The following LCLAT1 variants were observed in gnomAD, a reference collection of about 807,000 sequenced individuals.
LCLAT1 encodes the protein lysocardiolipin acyltransferase 1, also known as 1-AGP acyltransferase 8.
In LCLAT1, 11 loss-of-function variants were observed where a neutral mutation model predicts 30.7. The ratio of observed to expected loss-of-function variants is 0.36; its 90% CI spans 0.23 to 0.59. The LOEUF is 0.59. Ranked by LOEUF, LCLAT1 falls within the 20% of genes least tolerant of loss-of-function variation. LCLAT1 has a pLI of 0.77. For synonymous variants in LCLAT1, 155 were observed against 151.3 expected (o/e 1.02, Z -0.18); for missense variants, 402 against 458.6 (o/e 0.88, Z 1.13).
intron 3 of LCLAT1, among the ~76,000 whole-genome samples, chr2:30,560,283 GGTGTGTGTGTGTGTGTGT>G (rs57326977): frequency 4.8e-5 from 7 of 144,584 alleles, no homozygotes; most frequent in African/African-American, 1.5e-4. Flanking sequence ...AATAAAGTGT[GGTGTGTGTGTGTGTGTGT>G]GTGTGTGTGT....
intron 1 of LCLAT1, among the ~76,000 whole-genome samples, chr2:30,459,386 T>C (rs1377996940): frequency 2.0e-5 from 3 of 152,204 alleles, no homozygotes; most frequent in African/African-American, 7.2e-5. Context: ...TCCTAAGCAC[T>C]ATGACCCAGC....
At chr2:30,559,392 A>T (rs191559143) in intron 3 of LCLAT1, among the ~76,000 whole-genome samples, 1 of 152,212 alleles carries the variant, frequency 6.6e-6, no homozygotes, top group Admixed American at 6.5e-5. Flanking sequence ...TTACCCACTT[A>T]TCTGAAATTC....
At chr2:30,515,898 C>T (rs1010188374) in intron 1 of LCLAT1, among the ~76,000 whole-genome samples, 7 of 152,170 alleles carry the variant, frequency 4.6e-5, no homozygotes, top group Non-Finnish European at 7.3e-5. Context: ...CCATTCCTTG[C>T]CCTTCCCCAA....
chr2:30,533,354 T>G (rs1182412514), intron 3 of LCLAT1, 40 bp downstream of exon 3: 1 of 1,497,258 alleles, frequency 6.7e-7, no homozygotes, highest in Non-Finnish European at 9.3e-7. Context: ...TTCATTCATT[T>G]TAGATGTAAT....
intron 5 of LCLAT1, among the ~76,000 whole-genome samples, chr2:30,568,879 A>AAAT (rs1201316656): frequency 4.6e-5 from 7 of 151,178 alleles, no homozygotes; most frequent in Non-Finnish European, 8.9e-5. Flanking sequence ...AAAAAAAAAA[A>AAAT]AAAAAGAGAA....
intron 1 of LCLAT1, among the ~76,000 whole-genome samples, chr2:30,486,289 G>T (rs1683553207): frequency 6.6e-6 from 1 of 152,096 alleles, no homozygotes. Context: ...TTTATATTAT[G>T]TTATCACATT....
intron 5 of LCLAT1, among the ~76,000 whole-genome samples, chr2:30,594,944 A>G (rs2148482719): frequency 6.6e-6 from 1 of 152,300 alleles, no homozygotes; most frequent in East Asian, 1.9e-4. Flanking sequence ...CATATGCCTA[A>G]AGCCTATCCC....
intron 4 of LCLAT1, among the ~76,000 whole-genome samples, chr2:30,567,716 A>G (rs556777519): frequency 6.0e-4 from 91 of 152,304 alleles, no homozygotes; most frequent in Non-Finnish European, 8.2e-4. Flanking sequence ...TAAAAACACT[A>G]TGATAAATTT....
chr2:30,553,678 G>A (rs1023537434), intron 3 of LCLAT1, among the ~76,000 whole-genome samples: 4 of 151,988 alleles, frequency 2.6e-5, no homozygotes, highest in South Asian at 2.1e-4. Flanking sequence ...AGCCGGGCGC[G>A]GTGGTGGGCG....
intron 3 of LCLAT1, among the ~76,000 whole-genome samples, chr2:30,550,177 TG>T (rs1221763088): frequency 6.6e-6 from 1 of 152,240 alleles, no homozygotes; most frequent in Non-Finnish European, 1.5e-5. Context: ...ACTTTTTATA[TG>T]GAATCATTTT....
intron 1 of LCLAT1, among the ~76,000 whole-genome samples, chr2:30,494,338 G>C (rs983523052): frequency 6.6e-6 from 1 of 152,148 alleles, no homozygotes; most frequent in African/African-American, 2.4e-5. Context: ...TGTGAACTTC[G>C]ACAGCTTTTT....
At chr2:30,622,906 G>A (rs866971799) in intron 5 of LCLAT1, among the ~76,000 whole-genome samples, 1 of 152,192 alleles carries the variant, frequency 6.6e-6, no homozygotes, top group Admixed American at 6.5e-5. Context: ...TTCTTTAAGA[G>A]CCCCAAAAGA....
chr2:30,525,355 C>T (rs1016001332), intron 1 of LCLAT1, among the ~76,000 whole-genome samples: 6 of 152,096 alleles, frequency 3.9e-5, no homozygotes, highest in Non-Finnish European at 8.8e-5. Context: ...GGGATTGCAG[C>T]GTGAGTCGCC....
At position 30,551,448 on chromosome 2, in the gene LCLAT1, G is replaced by A. The variant is rs191951018; in HGVS notation, c.365-10698G>A. Among the ~76,000 whole-genome samples, 61 of 152,120 alleles carry A rather than the reference G, an allele frequency of 4.0e-4. 1 individual carries two copies. Among genetic ancestry groups the A allele is most frequent in the Middle Eastern group, 3.4e-3 (1 of 294 alleles). Reference sequence around the variant, plus strand: ...GCCCCATCCCTAGACTCAGCATTTCGCTAAGGAGCCCTAGATCCCTTTTTT... The same window carrying A: ...GCCCCATCCCTAGACTCAGCATTTCACTAAGGAGCCCTAGATCCCTTTTTT... On this transcript the variant is annotated intron_variant, in intron 3 of 5. Coordinates refer to ENST00000379509, the MANE Select transcript of LCLAT1 (RefSeq NM_001002257.3).
intron 5 of LCLAT1, among the ~76,000 whole-genome samples, chr2:30,628,211 T>TA (rs1346415892): frequency 2.0e-5 from 3 of 152,148 alleles, no homozygotes; most frequent in African/African-American, 7.2e-5. Flanking sequence ...ATAAATTTTT[T>TA]AAAAAACATC....
intron 1 of LCLAT1, among the ~76,000 whole-genome samples, chr2:30,516,866 G>C (rs1685208766): frequency 6.6e-6 from 1 of 152,190 alleles, no homozygotes; most frequent in Non-Finnish European, 1.5e-5. Context: ...TAAGACTCAG[G>C]TGTGAGGCTT....
At chr2:30,610,554 G>C (rs1045860752) in intron 5 of LCLAT1, among the ~76,000 whole-genome samples, 4 of 152,062 alleles carry the variant, frequency 2.6e-5, no homozygotes, top group African/African-American at 9.7e-5. Context: ...GATCTCTCAG[G>C]TATTTAAGAC....
intron 3 of LCLAT1, among the ~76,000 whole-genome samples, chr2:30,556,627 G>A (rs1225076818): frequency 2.0e-5 from 3 of 152,074 alleles, no homozygotes; most frequent in Non-Finnish European, 2.9e-5. Flanking sequence ...GATAATCAGG[G>A]TATATCTCTG....
chr2:30,639,388 G>GACTGC (rs373458320), intron 5 of LCLAT1, among the ~76,000 whole-genome samples: 1 of 152,230 alleles, frequency 6.6e-6, no homozygotes, highest in Non-Finnish European at 1.5e-5. Context: ...GCCTGTTTAA[G>GACTGC]TGAAAACACT....
Sources: gnomAD v4.1 joint callset for allele counts (sites outside exome capture counted in the v4.1 genomes callset) on GRCh38, gnomAD v4.1.1 for gene constraint, MANE v1.5 for transcripts, NCBI Gene and HGNC (gene_info 2026-07-23, HGNC 2026-07-21) for gene names.